Variants in SDK1 observed in about 807,000 individuals in gnomAD.
The protein encoded by SDK1 is protein sidekick-1.
Under a neutral mutation model 245.5 loss-of-function variants are expected in SDK1, and 157 were observed. The observed-to-expected ratio is 0.64, with a 90% CI of 0.56 to 0.73. SDK1 has a LOEUF of 0.73. Among genes scored for constraint, SDK1 ranks in the 30% least tolerant of loss-of-function variants. The pLI is 0.00. For missense variants in SDK1, 3,583 were observed against 3,002.3 expected (o/e 1.19, Z -4.52); for synonymous variants, 1,647 against 1,278.5 (o/e 1.29, Z -6.15).
At chr7:4,176,576 C>T (rs373824521) in intron 34 of SDK1, among the ~76,000 whole-genome samples, 26 of 152,158 alleles carry the variant, frequency 1.7e-4, no homozygotes, top group African/African-American at 5.8e-4. Flanking sequence ...GTTATGCAGC[C>T]GTCACCATCA....
rs114541315 is a variant in SDK1, at chr7:3,501,257, G to C, written c.299-117823G>C. On this transcript the variant is annotated intron_variant, in intron 1 of 44. Coordinates refer to ENST00000404826, the MANE Select transcript of SDK1 (RefSeq NM_152744.4). The stretch of plus-strand genomic sequence containing the variant: ...TAGAGAATTCCTCTTGGACTGATTA[G>C]ATTCCTTAGGGAAGACTCCTTCAGT... Among the ~76,000 whole-genome samples, 470 of 152,122 alleles carry C rather than the reference G, an allele frequency of 3.1e-3. 4 individuals are homozygous for C. The highest frequency in any genetic ancestry group is 0.011 in the African/African-American group (451 of 41,504).
At chr7:3,723,803 C>T (rs1346460494) in intron 4 of SDK1, among the ~76,000 whole-genome samples, 14 of 149,104 alleles carry the variant, frequency 9.4e-5, no homozygotes, top group South Asian at 2.1e-4. Context: ...TACATATACA[C>T]GTGTATATAC....
intron 1 of SDK1, among the ~76,000 whole-genome samples, chr7:3,551,399 T>G (rs1321407908): frequency 6.6e-6 from 1 of 152,328 alleles, no homozygotes; most frequent in Non-Finnish European, 1.5e-5. Context: ...CATATCCAAC[T>G]GGGGAATCAG....
chr7:3,858,861 T>TTTTTA (rs1780612928), intron 5 of SDK1, among the ~76,000 whole-genome samples: 1 of 123,838 alleles, frequency 8.1e-6, no homozygotes, highest in African/African-American at 4.5e-5. Context: ...GTATTTTTCT[T>TTTTTA]TTTTCTTTTT....
At chr7:3,661,353 A>G (rs2128659427) in intron 4 of SDK1, among the ~76,000 whole-genome samples, 1 of 152,364 alleles carries the variant, frequency 6.6e-6, no homozygotes, top group African/African-American at 2.4e-5. Context: ...AATGCATGCA[A>G]AACAGTACTT....
chr7:3,768,363 G>T (rs895641565), intron 4 of SDK1, among the ~76,000 whole-genome samples: 1 of 152,156 alleles, frequency 6.6e-6, no homozygotes, highest in Non-Finnish European at 1.5e-5. Context: ...AAATACAGCC[G>T]ATTGAGCATG....
At chr7:3,863,010 C>T (rs770292549) in intron 5 of SDK1, among the ~76,000 whole-genome samples, 4 of 152,166 alleles carry the variant, frequency 2.6e-5, no homozygotes, top group Admixed American at 1.3e-4. Flanking sequence ...ACCAGCAGCT[C>T]GCCTCCTGCT....
Position 3,508,994 on chromosome 7 carries a change from G to A in SDK1, c.299-110086G>A, listed in dbSNP as rs558273931. Among the ~76,000 whole-genome samples the A allele has an allele frequency of 4.6e-5, 7 of 152,250 alleles. No homozygotes were observed. The East Asian group carries it at 1.3e-3, about 29-fold the overall frequency. On this transcript the variant is annotated intron_variant, in intron 1 of 44. Transcript: ENST00000404826. ...ATAGAATGTTCTAGTAATATCTGTG[G>A]CAGTGATGGTGGGTCATAGCAGGCA...
chr7:3,509,275 G>A (rs1477375029), intron 1 of SDK1, among the ~76,000 whole-genome samples: 1 of 152,060 alleles, frequency 6.6e-6, no homozygotes, highest in East Asian at 1.9e-4. Flanking sequence ...TTTTCTGTTT[G>A]TGCTGGATTT....
intron 1 of SDK1, among the ~76,000 whole-genome samples, chr7:3,614,264 C>A (rs1400591266): frequency 1.3e-5 from 2 of 152,176 alleles, no homozygotes; most frequent in Non-Finnish European, 1.5e-5. Context: ...AAGAATAGAA[C>A]ACTTTCTATA....
chr7:4,089,814 T>TC (rs2128183102), intron 22 of SDK1, among the ~76,000 whole-genome samples: 1 of 152,242 alleles, frequency 6.6e-6, no homozygotes, highest in South Asian at 2.1e-4. Context: ...TACAGAGAAT[T>TC]CCCCTCCACC....
intron 8 of SDK1, among the ~76,000 whole-genome samples, chr7:3,962,027 A>G (rs1357297707): frequency 6.6e-6 from 1 of 152,208 alleles, no homozygotes; most frequent in South Asian, 2.1e-4. Flanking sequence ...ACGTAGACAC[A>G]TGCACATATA....
intron 1 of SDK1, among the ~76,000 whole-genome samples, chr7:3,588,677 T>G (rs1055159855): frequency 5.9e-5 from 9 of 152,224 alleles, no homozygotes; most frequent in African/African-American, 2.2e-4. Flanking sequence ...ACTGATGGAA[T>G]TATTTTAAAT....
At chr7:3,613,460 A>G (rs1781668995) in intron 1 of SDK1, among the ~76,000 whole-genome samples, 1 of 152,000 alleles carries the variant, frequency 6.6e-6, no homozygotes, top group African/African-American at 2.4e-5. Flanking sequence ...CCTCTCCAGC[A>G]CCTCTTATTT....
intron 2 of SDK1, among the ~76,000 whole-genome samples, chr7:3,632,797 C>T (rs1412886407): frequency 6.6e-6 from 1 of 152,118 alleles, no homozygotes; most frequent in Admixed American, 6.6e-5. Context: ...CCATCAAAGT[C>T]ACATATATAT....
At chr7:3,966,481 G>A (rs1030142326) in intron 9 of SDK1, among the ~76,000 whole-genome samples, 2 of 151,998 alleles carry the variant, frequency 1.3e-5, no homozygotes, top group African/African-American at 4.8e-5. Flanking sequence ...GTCTTTCCTC[G>A]GTCTGACTCA....
chr7:3,360,137 T>G lies in SDK1; in HGVS notation c.298+58253T>G, dbSNP rs74714940. ...ATTCTTAGACCAGAGCCTGCTTTCT[T>G]TAACACTCTAACCACTTTTATTAGT... is the stretch of plus-strand genomic sequence containing the variant. On this transcript the variant is annotated intron_variant, in intron 1 of 44. Transcript: ENST00000404826. Among the ~76,000 whole-genome samples, 806 of 152,338 alleles carry G rather than the reference T, an allele frequency of 5.3e-3. 8 individuals carry two copies. The highest frequency in any genetic ancestry group is 0.018 in the African/African-American group (749 of 41,574).
At chr7:3,777,619 G>C (rs1780604820) in intron 4 of SDK1, among the ~76,000 whole-genome samples, 1 of 152,120 alleles carries the variant, frequency 6.6e-6, no homozygotes, top group Non-Finnish European at 1.5e-5. Context: ...TCCCCTCTTA[G>C]CTACTGGTGT....
Position 4,068,481 on chromosome 7 carries a change from C to T in SDK1, c.3010+545C>T, listed in dbSNP as rs773550363. On this transcript the variant is annotated intron_variant, in intron 20 of 44. Coordinates refer to ENST00000404826, the MANE Select transcript of SDK1 (RefSeq NM_152744.4). The stretch of plus-strand genomic sequence containing the variant: ...CAGCCCTCGTCCCACAGCTGTGAGC[C>T]GCAAGGGTGAGATCTGGGTCTTCTG... Among the ~76,000 whole-genome samples the T allele has an allele frequency of 1.2e-4, 18 of 152,090 alleles. 1 individual carries two copies. The highest frequency in any genetic ancestry group is 4.1e-4 in the South Asian group (2 of 4,826).
Sources: allele counts gnomAD v4.1 joint callset (sites outside exome capture counted in the v4.1 genomes callset), GRCh38; gene constraint gnomAD v4.1.1; transcripts MANE v1.5; gene names NCBI Gene and HGNC (gene_info 2026-07-23, HGNC 2026-07-21).